The following AFF3 variants were observed in gnomAD, a reference collection of about 807,000 sequenced individuals.
AFF3 encodes the protein ALF transcription elongation factor 3.
Under a neutral mutation model 129.7 loss-of-function variants are expected in AFF3, and 32 were observed. That is an observed-to-expected ratio of 0.25 (90% CI 0.19 to 0.33). The LOEUF (loss-of-function observed/expected upper bound fraction) is 0.33, where lower values mean the gene tolerates loss of function less well. Among genes scored for constraint, AFF3 ranks in the 10% least tolerant of loss-of-function variants. AFF3 has a pLI of 1.00. For missense variants in AFF3, 1,373 were observed against 1,592.0 expected, an observed-to-expected ratio of 0.86 and a Z score of 2.34; for synonymous variants, 644 against 635.4, an observed-to-expected ratio of 1.01 and a Z score of -0.20.
chr2:99,672,391 C>G lies in AFF3; in HGVS notation c.1143+147G>C, dbSNP rs911520361. The G allele has an allele frequency of 2.9e-5, 19 of 653,794 alleles. No individual in the cohort carries two copies. The African/African-American group carries it at 3.4e-4, about 12-fold the overall frequency. 40.5% of individuals were successfully genotyped at this position (653,794 alleles called of 1,614,324 possible). A position where few individuals can be genotyped will look rare whatever the true frequency, so the allele number is the denominator to read the frequency against. On this transcript the variant is annotated intron_variant, in intron 12 of 24. Coordinates refer to ENST00000672756, the MANE Select transcript of AFF3 (RefSeq NM_001386135.1). ...GGGCAAGCTATTTTAATATACTGAC[C>G]CAACTGCATAGAAGCTCACACTTAG...
At chr2:100,022,981 C>T (rs1194192126) in intron 4 of AFF3, among the ~76,000 whole-genome samples, 3 of 152,218 alleles carry the variant, frequency 2.0e-5, no homozygotes, top group African/African-American at 7.2e-5. Flanking sequence ...AACTCAACAT[C>T]AATTAGTCCT....
At chr2:99,816,295 C>T (rs113912555) in intron 8 of AFF3, among the ~76,000 whole-genome samples, 1 of 152,136 alleles carries the variant, frequency 6.6e-6, no homozygotes, top group Admixed American at 6.5e-5. Context: ...TTGATTGTAG[C>T]CATTTAAATT....
At chr2:99,785,750 T>A (rs2105407401) in intron 8 of AFF3, among the ~76,000 whole-genome samples, 1 of 152,232 alleles carries the variant, frequency 6.6e-6, no homozygotes, top group Admixed American at 6.5e-5. Flanking sequence ...TTAAGTGATT[T>A]TTTTATTTTT....
At chr2:99,958,485 G>GAA (rs551725293) in intron 7 of AFF3, among the ~76,000 whole-genome samples, 32 of 102,504 alleles carry the variant, frequency 3.1e-4, no homozygotes, top group African/African-American at 6.3e-4. Flanking sequence ...ACTCTGTCTC[G>GAA]AAAAAAAAAA....
intron 4 of AFF3, among the ~76,000 whole-genome samples, chr2:100,088,993 A>C (rs183980638): frequency 3.6e-4 from 55 of 152,344 alleles, no homozygotes; most frequent in Admixed American, 3.4e-3. Flanking sequence ...AAATAGAAAG[A>C]AGCATTGTTA....
intron 7 of AFF3, among the ~76,000 whole-genome samples, chr2:99,951,268 T>C (rs2106386256): frequency 6.6e-6 from 1 of 152,330 alleles, no homozygotes; most frequent in East Asian, 1.9e-4. Flanking sequence ...TTACGGTTTC[T>C]GCAATTCTTG....
intron 11 of AFF3, among the ~76,000 whole-genome samples, chr2:99,693,575 C>T (rs1405781367): frequency 2.0e-5 from 3 of 151,994 alleles, no homozygotes; most frequent in Non-Finnish European, 4.4e-5. Flanking sequence ...TAGAAATGGC[C>T]TCCTGGATAC....
At chr2:99,912,371 A>G (rs1401983970) in intron 7 of AFF3, among the ~76,000 whole-genome samples, 1 of 152,226 alleles carries the variant, frequency 6.6e-6, no homozygotes, top group Admixed American at 6.6e-5. Context: ...AAAACTAGCC[A>G]AAAGTCACAC....
chr2:99,665,906 G>T (rs1235883304), intron 12 of AFF3, among the ~76,000 whole-genome samples: 1 of 152,204 alleles, frequency 6.6e-6, no homozygotes, highest in African/African-American at 2.4e-5. Flanking sequence ...CTTCTAGTAA[G>T]ACAGGGGACT....
intron 13 of AFF3, among the ~76,000 whole-genome samples, chr2:99,618,025 GC>G (rs2081483895): frequency 6.6e-6 from 1 of 152,044 alleles, no homozygotes. Context: ...AGGTCATTTT[GC>G]CCCGTGAGGC....
At chr2:100,106,085 A>C in intron 2 of AFF3, 2 of 1,296,504 alleles carry the variant, frequency 1.5e-6, no homozygotes, top group African/African-American at 3.0e-5. Context: ...CAGGTAGAAG[A>C]CCAAAAGGCC....
chr2:99,783,739 AAAG>A (rs2105394657), intron 8 of AFF3, among the ~76,000 whole-genome samples: 1 of 152,364 alleles, frequency 6.6e-6, no homozygotes, highest in South Asian at 2.1e-4. Context: ...CCAGAAAAAG[AAAG>A]AATGGTCAGG....
In AFF3 at chr2:99,595,033, C is replaced by T. The variant is rs949076967; in HGVS notation, c.1372-744G>A. ...GAAAGTCATTGGTTTTGAACTGTGG[C>T]CCCACAGGTTGGCTCTGTGGTTGAG... On this transcript the variant is annotated intron_variant, in intron 14 of 24. Coordinates refer to ENST00000672756, the MANE Select transcript of AFF3 (RefSeq NM_001386135.1). Among the ~76,000 whole-genome samples the T allele has an allele frequency of 2.0e-5, 3 of 152,294 alleles. No homozygotes were observed. The East Asian group carries it at 5.8e-4, about 29-fold the overall frequency.
chr2:99,821,837 G>C (rs1378941686), intron 8 of AFF3, among the ~76,000 whole-genome samples: 2 of 152,116 alleles, frequency 1.3e-5, no homozygotes, highest in African/African-American at 4.8e-5. Context: ...GGCCCCTCGT[G>C]TCACACAACA....
chr2:99,562,846 T>G (rs1353899229), intron 20 of AFF3, among the ~76,000 whole-genome samples: 1 of 152,208 alleles, frequency 6.6e-6, no homozygotes, highest in Non-Finnish European at 1.5e-5. Context: ...AATTTAATTT[T>G]CAGAGCCTTT....
intron 7 of AFF3, among the ~76,000 whole-genome samples, chr2:99,947,286 C>CA (rs1456575051): frequency 3.3e-5 from 5 of 151,798 alleles, no homozygotes; most frequent in African/African-American, 1.2e-4. Context: ...ACTAAAAATA[C>CA]AAAAAAATTA....
chr2:99,779,418 C>T (rs1018310295), intron 8 of AFF3, among the ~76,000 whole-genome samples: 1 of 152,160 alleles, frequency 6.6e-6, no homozygotes, highest in African/African-American at 2.4e-5. Context: ...GATAAATATG[C>T]TCATAATATT....
intron 15 of AFF3, among the ~76,000 whole-genome samples, chr2:99,592,880 G>A (rs1678828370): frequency 6.6e-6 from 1 of 150,978 alleles, no homozygotes; most frequent in South Asian, 2.1e-4. Context: ...AGGTTGCAGT[G>A]AACCGAGATT....
At chr2:99,648,719 G>GA (rs1381989229) in intron 13 of AFF3, among the ~76,000 whole-genome samples, 3 of 152,014 alleles carry the variant, frequency 2.0e-5, no homozygotes, top group African/African-American at 7.2e-5. Flanking sequence ...CTCATTCCAT[G>GA]AAAAAGGAAC....
Sources: allele counts gnomAD v4.1 joint callset (sites outside exome capture counted in the v4.1 genomes callset), GRCh38; gene constraint gnomAD v4.1.1; transcripts MANE v1.5; gene names NCBI Gene and HGNC (gene_info 2026-07-23, HGNC 2026-07-21).